Variants in ADAMTS16 observed in about 807,000 individuals in gnomAD.
ADAMTS16 encodes ADAM metallopeptidase with thrombospondin type 1 motif 16.
In ADAMTS16, 94 loss-of-function variants were observed where a neutral mutation model predicts 145.8. The ratio of observed to expected loss-of-function variants is 0.64; its 90% CI spans 0.55 to 0.77. The LOEUF (loss-of-function observed/expected upper bound fraction) is 0.77, where lower values mean the gene tolerates loss of function less well. ADAMTS16 is among the 30% of genes least tolerant of loss of function. The probability of loss-of-function intolerance (pLI) is 0.00; values close to 1 mark genes in which losing one functional copy is unlikely to be tolerated. For synonymous variants in ADAMTS16, 659 were observed against 604.3 expected, an observed-to-expected ratio of 1.09 and a Z score of -1.33; for missense variants, 1,585 against 1,591.5, an observed-to-expected ratio of 1.00 and a Z score of 0.07.
At chr5:5,164,901 C>G (rs1215783465) in intron 3 of ADAMTS16, among the ~76,000 whole-genome samples, 1 of 152,154 alleles carries the variant, frequency 6.6e-6, no homozygotes, top group East Asian at 1.9e-4. Flanking sequence ...TGGTCTCGAT[C>G]TCCTGACCTC....
intron 3 of ADAMTS16, among the ~76,000 whole-genome samples, chr5:5,158,733 A>G (rs1381475430): frequency 1.3e-5 from 2 of 152,238 alleles, no homozygotes; most frequent in African/African-American, 2.4e-5. Context: ...TTTAAGTAAC[A>G]TGATATGATG....
rs765644208 is a variant in ADAMTS16 at position 5,182,297 on chromosome 5, G to T, written c.755G>T (p.Arg252Leu). The change falls in exon 4 of 23, where the codon CGC (arginine) becomes CTC (leucine). Residue 252 changes from arginine (R) to leucine (L), a missense_variant. This residue lies in a region of ADAMTS16 where 453 missense variants were observed against 412.1 expected (regional missense o/e 1.10). Coordinates refer to ENST00000274181, the MANE Select transcript of ADAMTS16 (RefSeq NM_139056.4). ...CAAAAGCAGCATTTCTGTGGAAGACGCAAGAAATGTATGTAAGGGCGAATC... is the reference window on the plus strand; with the variant it reads ...CAAAAGCAGCATTTCTGTGGAAGACTCAAGAAATGTATGTAAGGGCGAATC... ...LPQKQHFCGR[R>L]KKYMPQPPKE... 6 of 1,611,556 alleles carry T rather than the reference G, an allele frequency of 3.7e-6. No individual in the cohort carries two copies. Among genetic ancestry groups the T allele is most frequent in the Non-Finnish European group, 5.1e-6 (6 of 1,178,236 alleles).
chr5:5,302,974 A>G (rs547862874), intron 18 of ADAMTS16, among the ~76,000 whole-genome samples: 25 of 152,240 alleles, frequency 1.6e-4, no homozygotes, highest in Middle Eastern at 3.4e-3. Context: ...TTTTTTAAAA[A>G]AGAAGAGAAC....
At chr5:5,311,357 C>A (rs577783985) in intron 21 of ADAMTS16, among the ~76,000 whole-genome samples, 11 of 147,300 alleles carry the variant, frequency 7.5e-5, no homozygotes, top group African/African-American at 2.3e-4. Flanking sequence ...TTATCTAAAT[C>A]TAAAGGAAAC....
chr5:5,206,285 G>T (rs1243665837), intron 9 of ADAMTS16, among the ~76,000 whole-genome samples: 3 of 147,100 alleles, frequency 2.0e-5, no homozygotes, highest in East Asian at 2.1e-4. Flanking sequence ...AATTAGCCGG[G>T]CGTAGTGGCG....
At chr5:5,285,152 T>A (rs184337544) in intron 18 of ADAMTS16, among the ~76,000 whole-genome samples, 20 of 152,174 alleles carry the variant, frequency 1.3e-4, no homozygotes, top group South Asian at 6.2e-4. Flanking sequence ...TGTGTTTTTT[T>A]AAAAAAAATA....
At chr5:5,234,065 C>T (rs1234888094) in intron 12 of ADAMTS16, among the ~76,000 whole-genome samples, 1 of 152,186 alleles carries the variant, frequency 6.6e-6, no homozygotes, top group Non-Finnish European at 1.5e-5. Flanking sequence ...CTCCCTTTGC[C>T]CTTAAGCTTG....
intron 9 of ADAMTS16, among the ~76,000 whole-genome samples, chr5:5,205,272 A>T (rs1026984774): frequency 4.6e-5 from 7 of 151,816 alleles, no homozygotes; most frequent in African/African-American, 1.5e-4. Flanking sequence ...CCAAATTATT[A>T]ATGTGTCTTT....
chr5:5,249,384 G>A (rs563674963), intron 17 of ADAMTS16, among the ~76,000 whole-genome samples: 3 of 152,168 alleles, frequency 2.0e-5, no homozygotes, highest in Admixed American at 6.5e-5. Flanking sequence ...ATGGAAACAC[G>A]GATTGGCACG....
chr5:5,228,660 C>CATAGG (rs1311155204), intron 11 of ADAMTS16, among the ~76,000 whole-genome samples: 13 of 152,070 alleles, frequency 8.5e-5, no homozygotes, highest in Admixed American at 5.9e-4. Flanking sequence ...TGATTCCAGG[C>CATAGG]CTATAACAAG....
intron 3 of ADAMTS16, among the ~76,000 whole-genome samples, chr5:5,156,070 G>T (rs1479846380): frequency 6.6e-6 from 1 of 152,008 alleles, no homozygotes; most frequent in African/African-American, 2.4e-5. Flanking sequence ...GAAAGAGCAG[G>T]TTCTTCCACC....
At chr5:5,307,564 C>T (rs1363304881) in intron 21 of ADAMTS16, among the ~76,000 whole-genome samples, 1 of 152,194 alleles carries the variant, frequency 6.6e-6, no homozygotes. Context: ...TCTCGCCCAT[C>T]TCCATGTGGG....
At chr5:5,207,139 A>G (rs1736149253) in intron 9 of ADAMTS16, among the ~76,000 whole-genome samples, 1 of 152,228 alleles carries the variant, frequency 6.6e-6, no homozygotes, top group South Asian at 2.1e-4. Flanking sequence ...TTAAAATGGG[A>G]AGAACTAATC....
chr5:5,256,744 T>C (rs1737796501), intron 17 of ADAMTS16, among the ~76,000 whole-genome samples: 1 of 152,232 alleles, frequency 6.6e-6, no homozygotes, highest in Non-Finnish European at 1.5e-5. Context: ...GACTCTTTGT[T>C]CAGACTTGAA....
chr5:5,302,091 C>G (rs1739802842), intron 18 of ADAMTS16, among the ~76,000 whole-genome samples: 1 of 152,126 alleles, frequency 6.6e-6, no homozygotes, highest in African/African-American at 2.4e-5. Context: ...CGCCATGTTT[C>G]CCCCTTCCTC....
At chr5:5,283,754 G>A (rs1406273563) in intron 18 of ADAMTS16, among the ~76,000 whole-genome samples, 3 of 152,168 alleles carry the variant, frequency 2.0e-5, no homozygotes, top group Admixed American at 6.5e-5. Context: ...CAAAAGAAGT[G>A]AGCAGTCATG....
intron 17 of ADAMTS16, among the ~76,000 whole-genome samples, chr5:5,259,432 A>C (rs2126424410): frequency 6.6e-6 from 1 of 152,360 alleles, no homozygotes; most frequent in Non-Finnish European, 1.5e-5. Context: ...AAAGTATCTG[A>C]GACAGGTCTC....
At chr5:5,282,666 G>C (rs1005619014) in intron 18 of ADAMTS16, among the ~76,000 whole-genome samples, 1 of 152,140 alleles carries the variant, frequency 6.6e-6, no homozygotes, top group Admixed American at 6.5e-5. Flanking sequence ...GGCTCTTCCT[G>C]AATGTTTTTC....
chr5:5,170,180 T>G (rs1735008197), intron 3 of ADAMTS16, among the ~76,000 whole-genome samples: 1 of 152,176 alleles, frequency 6.6e-6, no homozygotes, highest in Non-Finnish European at 1.5e-5. Context: ...TATACGAGGA[T>G]TCCCTCTTCT....
Sources: allele counts gnomAD v4.1 joint callset (sites outside exome capture counted in the v4.1 genomes callset), GRCh38; gene constraint gnomAD v4.1.1; regional missense constraint gnomAD v4.1.1; transcripts MANE v1.5; gene names NCBI Gene and HGNC (gene_info 2026-07-23, HGNC 2026-07-21).